FGGY: variants seen among roughly 807,000 people sequenced by gnomAD.
FGGY encodes FGGY carbohydrate kinase domain-containing protein.
A neutral mutation model predicts 71.3 loss-of-function variants in FGGY; 72 were observed. The ratio of observed to expected loss-of-function variants is 1.01; its 90% CI spans 0.84 to 1.23. The LOEUF is 1.23. FGGY is among the 50% of genes most tolerant of loss of function. The pLI, the probability that FGGY is intolerant of heterozygous loss-of-function variation, is 0.00. For missense variants in FGGY, 668 were observed against 682.3 expected (o/e 0.98, Z 0.23); for synonymous variants, 251 against 250.3 (o/e 1.00, Z -0.02).
chr1:59,543,425 T>C (rs1284085143), intron 7 of FGGY, among the ~76,000 whole-genome samples: 1 of 152,192 alleles, frequency 6.6e-6, no homozygotes, highest in Non-Finnish European at 1.5e-5. Context: ...GTCCGAAGCT[T>C]GAGTCAAGGA....
intron 9 of FGGY, among the ~76,000 whole-genome samples, chr1:59,612,785 T>C (rs956404652): frequency 1.3e-5 from 2 of 151,830 alleles, no homozygotes; most frequent in Non-Finnish European, 2.9e-5. Context: ...AGTCTCAAAA[T>C]AAAGGGATGG....
At chr1:59,511,756 T>G (rs2153630392) in intron 6 of FGGY, among the ~76,000 whole-genome samples, 1 of 152,296 alleles carries the variant, frequency 6.6e-6, no homozygotes, top group South Asian at 2.1e-4. Flanking sequence ...TTTGCAAAGG[T>G]TTAGACTGGA....
At chr1:59,481,485 C>T (rs2093465961) in intron 6 of FGGY, among the ~76,000 whole-genome samples, 1 of 152,100 alleles carries the variant, frequency 6.6e-6, no homozygotes, top group Non-Finnish European at 1.5e-5. Flanking sequence ...TCAGCAAATA[C>T]TCTTCTCATC....
intron 4 of FGGY, among the ~76,000 whole-genome samples, chr1:59,369,612 A>C (rs1334197927): frequency 1.3e-5 from 2 of 152,172 alleles, no homozygotes; most frequent in Non-Finnish European, 2.9e-5. Flanking sequence ...CTGCCTCCTC[A>C]AGTGGGTCCC....
chr1:59,366,096 A>C (rs943666023), intron 4 of FGGY, among the ~76,000 whole-genome samples: 1 of 152,092 alleles, frequency 6.6e-6, no homozygotes, highest in South Asian at 2.1e-4. Flanking sequence ...TTTTCATTAA[A>C]ATGATAGCAT....
At chr1:59,472,393 C>G (rs1968546) in intron 6 of FGGY, among the ~76,000 whole-genome samples, 62,076 of 152,038 alleles carry the variant, frequency 0.41, 12,863 homozygotes, top group Middle Eastern at 0.5. Flanking sequence ...CTGTGGGGCC[C>G]GAGCCTCCCT....
chr1:59,643,499 AT>A (rs1482058261), intron 11 of FGGY, among the ~76,000 whole-genome samples: 1 of 152,180 alleles, frequency 6.6e-6, no homozygotes, highest in Non-Finnish European at 1.5e-5. Context: ...CCAGCCAGAA[AT>A]TTTGTTTCAA....
chr1:59,705,533 A>G (rs4619004), intron 14 of FGGY, among the ~76,000 whole-genome samples: 13,574 of 152,234 alleles, frequency 0.089, 791 homozygotes, highest in Middle Eastern at 0.17. Context: ...TAATTTTATC[A>G]TTAATTATGG....
At chr1:59,588,110 G>C (rs1384315393) in intron 8 of FGGY, among the ~76,000 whole-genome samples, 1 of 152,214 alleles carries the variant, frequency 6.6e-6, no homozygotes, top group Admixed American at 6.5e-5. Context: ...GGAGCTGATG[G>C]AGCTGAAAGC....
intron 8 of FGGY, among the ~76,000 whole-genome samples, chr1:59,596,804 G>A (rs542219321): frequency 2.6e-5 from 4 of 152,276 alleles, no homozygotes; most frequent in Admixed American, 6.5e-5. Context: ...CACATGTACC[G>A]CCGTGTGCTG....
In FGGY at chr1:59,301,471, C is replaced by T. The variant is rs139941190; in HGVS notation, c.-15+4321C>T. The stretch of plus-strand genomic sequence containing the variant: ...CTTGCTGTATTCCACTAGCCAGAAC[C>T]ATTGCTTTGCATAGAACTGATGAGA... On this transcript the variant is annotated intron_variant, in intron 1 of 15. Transcript: ENST00000303721. 1.2e-4 allele frequency among the ~76,000 whole-genome samples: 18 copies of T among 152,244 alleles called. No homozygotes were observed. In the East Asian group the frequency reaches 3.3e-3, roughly 28 times the overall value.
At chr1:59,384,680 A>T (rs835434) in intron 5 of FGGY, among the ~76,000 whole-genome samples, 50,320 of 151,950 alleles carry the variant, frequency 0.33, 8,797 homozygotes, top group African/African-American at 0.44. Context: ...CATCATGTGC[A>T]GTCTGTAAGA....
intron 6 of FGGY, among the ~76,000 whole-genome samples, chr1:59,489,104 T>A (rs2093745207): frequency 6.6e-6 from 1 of 152,156 alleles, no homozygotes; most frequent in Non-Finnish European, 1.5e-5. Flanking sequence ...TTTTTATTTT[T>A]AATTGACGTT....
intron 8 of FGGY, among the ~76,000 whole-genome samples, chr1:59,604,089 G>T (rs2096601377): frequency 6.6e-6 from 1 of 152,122 alleles, no homozygotes; most frequent in Non-Finnish European, 1.5e-5. Context: ...CTCAACTATT[G>T]TTGTTGTTGC....
At chr1:59,382,684 A>G (rs1391250021) in intron 5 of FGGY, among the ~76,000 whole-genome samples, 2 of 152,164 alleles carry the variant, frequency 1.3e-5, no homozygotes, top group Non-Finnish European at 2.9e-5. Flanking sequence ...TGTTTTGATC[A>G]TTTTGGCCAA....
intron 14 of FGGY, among the ~76,000 whole-genome samples, chr1:59,715,126 G>T (rs948714341): frequency 1.3e-5 from 2 of 152,170 alleles, no homozygotes; most frequent in Non-Finnish European, 2.9e-5. Flanking sequence ...TGCTGGGTTT[G>T]TTAAGAGTCA....
At chr1:59,310,730 T>G (rs551036598) in intron 1 of FGGY, among the ~76,000 whole-genome samples, 82 of 152,264 alleles carry the variant, frequency 5.4e-4, no homozygotes, top group Admixed American at 1.5e-3. Flanking sequence ...CTCTCCTCAG[T>G]GTGTGTTCCT....
intron 4 of FGGY, among the ~76,000 whole-genome samples, chr1:59,369,273 C>T (rs2057140949): frequency 6.6e-6 from 1 of 152,208 alleles, no homozygotes; most frequent in African/African-American, 2.4e-5. Flanking sequence ...CTGCACATGG[C>T]TCGGAGGGTC....
intron 8 of FGGY, among the ~76,000 whole-genome samples, chr1:59,575,771 A>G (rs2096066204): frequency 6.6e-6 from 1 of 152,176 alleles, no homozygotes; most frequent in South Asian, 2.1e-4. Flanking sequence ...TTTTTTTAAA[A>G]TGTGCATGTA....
Sources: allele counts gnomAD v4.1 joint callset (sites outside exome capture counted in the v4.1 genomes callset), GRCh38; gene constraint gnomAD v4.1.1; transcripts MANE v1.5; gene names NCBI Gene and HGNC (gene_info 2026-07-23, HGNC 2026-07-21).